Variants in ATP8B4 observed in about 807,000 individuals in gnomAD.
The protein encoded by ATP8B4 is ATPase phospholipid transporting 8B4 (putative).
ATP8B4 carries 133 observed loss-of-function variants against 145.6 expected under a neutral mutation model. The observed-to-expected ratio is 0.91, with a 90% CI of 0.79 to 1.05. The LOEUF is 1.05. ATP8B4 is among the 50% of genes least tolerant of loss of function. The pLI is 0.00. For synonymous variants in ATP8B4, 507 were observed against 492.9 expected, an observed-to-expected ratio of 1.03 and a Z score of -0.38; for missense variants, 1,458 against 1,425.2, an observed-to-expected ratio of 1.02 and a Z score of -0.37.
intron 1 of ATP8B4, among the ~76,000 whole-genome samples, chr15:50,142,040 A>G (rs1038542358): frequency 6.6e-6 from 1 of 152,212 alleles, no homozygotes; most frequent in African/African-American, 2.4e-5. Context: ...AAACTGAGGT[A>G]GGGAAAGAGG....
intron 23 of ATP8B4, among the ~76,000 whole-genome samples, chr15:49,885,298 T>C (rs2036054295): frequency 6.6e-6 from 1 of 152,204 alleles, no homozygotes; most frequent in African/African-American, 2.4e-5. Flanking sequence ...AAGTTTCCTC[T>C]GAACACTCAG....
intron 14 of ATP8B4, among the ~76,000 whole-genome samples, chr15:49,940,493 C>T (rs2042082026): frequency 6.6e-6 from 1 of 152,096 alleles, no homozygotes; most frequent in African/African-American, 2.4e-5. Context: ...CAAATCTCCG[C>T]ATCATGCAAT....
At chr15:50,062,414 A>C (rs2053091599) in intron 3 of ATP8B4, among the ~76,000 whole-genome samples, 1 of 152,102 alleles carries the variant, frequency 6.6e-6, no homozygotes, top group Admixed American at 6.6e-5. Flanking sequence ...CCAGAAGCAG[A>C]TGCTGCTATG....
chr15:49,986,439 A>G (rs1412612102), intron 10 of ATP8B4, among the ~76,000 whole-genome samples: 1 of 152,214 alleles, frequency 6.6e-6, no homozygotes, highest in Non-Finnish European at 1.5e-5. Context: ...AAAAGCGCAT[A>G]TACTGGCTCA....
At chr15:50,129,523 T>C (rs529878614) in intron 1 of ATP8B4, among the ~76,000 whole-genome samples, 2 of 152,310 alleles carry the variant, frequency 1.3e-5, no homozygotes, top group South Asian at 4.1e-4. Flanking sequence ...CATGTCTTTA[T>C]ATGGCCCTCT....
chr15:49,892,605 A>C (rs1306436309), intron 23 of ATP8B4, among the ~76,000 whole-genome samples: 1 of 152,226 alleles, frequency 6.6e-6, no homozygotes, highest in Non-Finnish European at 1.5e-5. Context: ...AATTGTTGCT[A>C]TAGAAGCATC....
intron 23 of ATP8B4, chr15:49,896,732 C>T (rs2037436701): frequency 6.6e-6 from 1 of 152,194 alleles, no homozygotes. Flanking sequence ...GGTTAAATAA[C>T]TATCCTTTAA....
At chr15:49,978,536 T>A (rs2153530814) in intron 12 of ATP8B4, among the ~76,000 whole-genome samples, 1 of 152,140 alleles carries the variant, frequency 6.6e-6, no homozygotes, top group South Asian at 2.1e-4. Flanking sequence ...TGAAGAGAGA[T>A]AAAAAGAGGT....
At chr15:50,005,721 T>C (rs1166045119) in intron 7 of ATP8B4, among the ~76,000 whole-genome samples, 3 of 152,226 alleles carry the variant, frequency 2.0e-5, no homozygotes, top group Non-Finnish European at 2.9e-5. Flanking sequence ...CCAAAATGTA[T>C]GCTCTTTTCC....
chr15:50,154,365 C>T (rs2044386051), intron 1 of ATP8B4, among the ~76,000 whole-genome samples: 1 of 151,996 alleles, frequency 6.6e-6, no homozygotes, highest in African/African-American at 2.4e-5. Flanking sequence ...TTTCTAAATC[C>T]ATATATTGAA....
intron 16 of ATP8B4, among the ~76,000 whole-genome samples, chr15:49,926,320 A>T (rs561391940): frequency 4.5e-4 from 69 of 152,182 alleles, no homozygotes; most frequent in African/African-American, 1.4e-3. Flanking sequence ...CAGTCTCCCA[A>T]ATCAGAAATC....
Position 49,863,449 on chromosome 15 carries a change from TGCCAAC to T in ATP8B4, c.3167-1080_3167-1075del, listed in dbSNP as rs1395910800. 7.9e-5 allele frequency among the ~76,000 whole-genome samples: 12 copies of T among 152,324 alleles called. No individual in the cohort carries two copies. The East Asian group carries it at 1.9e-3, about 24-fold the overall frequency. ...CAGGCAGACAAGCTCCATGGGAAGATGCCAACCCTGCTTATATCACCAAAATAAACT... is the reference window on the plus strand; with the variant it reads ...CAGGCAGACAAGCTCCATGGGAAGATCCTGCTTATATCACCAAAATAAACT... On this transcript the variant is annotated intron_variant, in intron 26 of 27. Transcript: ENST00000284509.
At chr15:49,950,616 A>AAAAAAAAAAAAAAAAAAAAAACAACAAC (rs1567059687) in intron 14 of ATP8B4, among the ~76,000 whole-genome samples, 1 of 100,268 alleles carries the variant, frequency 1.0e-5, no homozygotes, top group Non-Finnish European at 1.8e-5. Context: ...ACAAACAAAC[A>AAAAAAAAAAAAAAAAAAAAAACAACAAC]AACAAAAAAA....
At chr15:49,880,026 G>A (rs533183580) in intron 23 of ATP8B4, 2 of 152,124 alleles carry the variant, frequency 1.3e-5, no homozygotes, top group African/African-American at 4.8e-5. Context: ...TCCCTGCATG[G>A]GCCTCACTAA....
chr15:49,978,756 ACACAC>A (rs2045894113), intron 12 of ATP8B4, among the ~76,000 whole-genome samples: 1 of 145,518 alleles, frequency 6.9e-6, no homozygotes, highest in Non-Finnish European at 1.5e-5. Flanking sequence ...ACACACACAC[ACACAC>A]ACACACACAC....
chr15:50,058,054 A>C (rs79935272), intron 3 of ATP8B4, among the ~76,000 whole-genome samples: 2,651 of 152,340 alleles, frequency 0.017, 30 homozygotes, highest in Middle Eastern at 0.037. Flanking sequence ...AGAGATAAGA[A>C]GAAGGCATAC....
intron 6 of ATP8B4, among the ~76,000 whole-genome samples, chr15:50,020,770 T>C (rs1011146988): frequency 1.3e-5 from 2 of 152,166 alleles, no homozygotes; most frequent in Admixed American, 6.6e-5. Flanking sequence ...ACATATTGCC[T>C]CTGCCCTCAA....
chr15:49,881,357 T>C (rs996541118), intron 23 of ATP8B4, among the ~76,000 whole-genome samples: 3 of 152,232 alleles, frequency 2.0e-5, no homozygotes, highest in Non-Finnish European at 4.4e-5. Flanking sequence ...GTCTTTTATT[T>C]TTAATATAAC....
chr15:50,060,858 C>T (rs974506511), intron 3 of ATP8B4, among the ~76,000 whole-genome samples: 4 of 152,114 alleles, frequency 2.6e-5, no homozygotes, highest in Non-Finnish European at 2.9e-5. Flanking sequence ...GTCTGTGGAC[C>T]ACACTTCAAG....
Sources: allele counts gnomAD v4.1 joint callset (sites outside exome capture counted in the v4.1 genomes callset), GRCh38; gene constraint gnomAD v4.1.1; transcripts MANE v1.5; gene names NCBI Gene and HGNC (gene_info 2026-07-23, HGNC 2026-07-21).